FCSK: variants seen among roughly 807,000 people sequenced by gnomAD.
FCSK encodes the protein L-fucose kinase.
Under a neutral mutation model 122.5 loss-of-function variants are expected in FCSK, and 123 were observed. That is an observed-to-expected ratio of 1.00 (90% confidence interval 0.87 to 1.17). FCSK has a LOEUF of 1.17. Among genes scored for constraint, FCSK ranks in the 50% most tolerant of loss-of-function variants. FCSK has a pLI of 0.00. For synonymous variants in FCSK, 620 were observed against 625.5 expected (o/e 0.99, Z 0.13); for missense variants, 1,366 against 1,450.4 (o/e 0.94, Z 0.95).
rs544431310 is a variant in FCSK, at chr16:70,474,837, G to C, written c.2203G>C (p.Val735Leu). 4 of 1,594,446 alleles carry C rather than the reference G, an allele frequency of 2.5e-6. No individual in the cohort carries two copies. Among genetic ancestry groups the C allele is most frequent in the Non-Finnish European group, 3.4e-6 (4 of 1,171,634 alleles). The change falls in exon 18 of 24, where the codon GTG becomes CTG. Residue 735 changes from valine (V) to leucine (L), a missense_variant. Val to Leu is a conservative substitution (Grantham distance 32). Coordinates refer to ENST00000288078, the MANE Select transcript of FCSK (RefSeq NM_145059.3). ...CCTTGCCTATGAGCTTGGCGGGGCT[G>C]TGCTGGGCCTGGCTGTGCGAGTGGA... ...PPLAYELGGA[V>L]LGLAVRVDGR...
chr16:70,474,301 G>C lies in FCSK; in HGVS notation c.1950G>C (p.Val650=), dbSNP rs1380390367. ...YLECGDLAAG[V]EALAQERDKW... Reference sequence around the variant, plus strand: ...AGTGTGGAGACCTGGCAGCGGGCGTGGAGGCGCTTGCCCAGGAGAGGGACA... The same window carrying C: ...AGTGTGGAGACCTGGCAGCGGGCGTCGAGGCGCTTGCCCAGGAGAGGGACA... The change falls in exon 16 of 24, where the codon GTG becomes GTC. Residue 650 remains valine, a synonymous_variant. Coordinates refer to ENST00000288078, the MANE Select transcript of FCSK (RefSeq NM_145059.3). 15 of 1,613,538 alleles carry C rather than the reference G, an allele frequency of 9.3e-6. No individual in the cohort carries two copies. The highest frequency in any genetic ancestry group is 1.2e-5 in the Non-Finnish European group (14 of 1,179,972).
At chr16:70,464,995 G>C (rs886844480) in intron 3 of FCSK, 131 bp from the exon 4 acceptor site, 4 of 1,550,404 alleles carry the variant, frequency 2.6e-6, no homozygotes, top group Non-Finnish European at 3.5e-6. Flanking sequence ...GTGGCCATTG[G>C]TTTGACCTTG....
At chr16:70,477,189 T>A (rs2048844268) in intron 20 of FCSK, among the ~76,000 whole-genome samples, 1 of 152,230 alleles carries the variant, frequency 6.6e-6, no homozygotes, top group South Asian at 2.1e-4. Context: ...TTTTTAATTT[T>A]TTTTTATTTT....
intron 1 of FCSK, among the ~76,000 whole-genome samples, chr16:70,456,648 T>C (rs994460579): frequency 6.6e-6 from 1 of 152,248 alleles, no homozygotes; most frequent in Non-Finnish European, 1.5e-5. Context: ...TACTTTACAT[T>C]GTATTTCATG....
chr16:70,474,515 C>A lies in FCSK; in HGVS notation c.1989-13C>A. 6.5e-7 allele frequency: 1 copy of A among 1,547,040 alleles called. No homozygotes were observed. The highest frequency in any genetic ancestry group is 8.7e-7 in the Non-Finnish European group (1 of 1,146,780). On this transcript the variant is annotated splice_polypyrimidine_tract_variant and intron_variant, in intron 16 of 23. Transcript: ENST00000288078. ...GGGCTGCATGCCACCATCCCTCCCC[C>A]TTCTCTTGGCAGGCCAGCCTTGCTG...
intron 1 of FCSK, among the ~76,000 whole-genome samples, chr16:70,458,262 C>A (rs556003752): frequency 2.0e-5 from 3 of 150,994 alleles, no homozygotes; most frequent in South Asian, 2.1e-4. Flanking sequence ...CAGGTTCAAG[C>A]GATTCTCCTG....
chr16:70,474,439 G>C, intron 16 of FCSK, 89 bp from the exon 17 acceptor site: 2 of 1,548,560 alleles, frequency 1.3e-6, no homozygotes, highest in Non-Finnish European at 1.7e-6. Flanking sequence ...GCTCCCTTGG[G>C]TACCCCGGGA....
chr16:70,457,910 C>T (rs554755998), intron 1 of FCSK: 2 of 151,888 alleles, frequency 1.3e-5, no homozygotes, highest in East Asian at 1.9e-4. Context: ...TGCTGTCTTT[C>T]AGTGCCTTTG....
chr16:70,470,415 T>C lies in FCSK; in HGVS notation c.1057T>C (p.Ser353Pro), dbSNP rs745677616. Residue 353 changes from serine (S) to proline (P), a missense_variant, in exon 11 of 24, where the codon TCC becomes CCC. Ser to Pro is a moderately conservative substitution (Grantham distance 74). Coordinates refer to ENST00000288078, the MANE Select transcript of FCSK (RefSeq NM_145059.3). ...GGCTCCTGGGGCCCAGATTGTGCAC[T>C]CCCAGGTGGAGGTGAGACCTCCCTG... ...PGAPGAQIVHSQVEEQQLLAA... is the reference protein window; with the variant it reads ...PGAPGAQIVHPQVEEQQLLAA... The C allele has an allele frequency of 6.3e-7, 1 of 1,598,896 alleles. No individual in the cohort carries two copies. Among genetic ancestry groups the C allele is most frequent in the Non-Finnish European group, 8.6e-7 (1 of 1,166,744 alleles).
chr16:70,463,088 C>A, intron 1 of FCSK, 81 bp from the exon 2 acceptor site: 3 of 853,286 alleles, frequency 3.5e-6, no homozygotes, highest in Non-Finnish European at 5.6e-6. Flanking sequence ...ATGTTAAAAT[C>A]ATAGAATTGT....
chr16:70,478,205 G>A, intron 20 of FCSK, 67 bp from the exon 21 acceptor site: 2 of 1,540,410 alleles, frequency 1.3e-6, no homozygotes, highest in Non-Finnish European at 1.8e-6. Flanking sequence ...GCAGGGCCGG[G>A]AGCCTAGGCT....
chr16:70,467,495 G>A (rs1334799552), intron 7 of FCSK, 24 bp downstream of exon 7: 8 of 1,543,302 alleles, frequency 5.2e-6, no homozygotes, highest in African/African-American at 1.4e-5. Flanking sequence ...GGACAGTGGA[G>A]CCGGCTGGGG....
intron 15 of FCSK, 26 bp from the exon 16 acceptor site, chr16:70,474,103 G>T: frequency 6.5e-7 from 1 of 1,545,702 alleles, no homozygotes; most frequent in Non-Finnish European, 8.7e-7. Flanking sequence ...CTCCTCCCCT[G>T]CCACCCCCAA....
chr16:70,466,779 G>T, intron 5 of FCSK, 103 bp from the exon 6 acceptor site: 2 of 991,790 alleles, frequency 2.0e-6, no homozygotes, highest in Non-Finnish European at 3.0e-6. Context: ...ACCAGGTCTT[G>T]GAGGCCCTTG....
chr16:70,477,673 T>C (rs1000213695), intron 20 of FCSK: 1 of 152,550 alleles, frequency 6.6e-6, no homozygotes, highest in Non-Finnish European at 1.5e-5. Flanking sequence ...GCCTCTCCTC[T>C]GACTAAAACT....
chr16:70,475,900 C>G, intron 20 of FCSK, 133 bp downstream of exon 20: 1 of 958,476 alleles, frequency 1.0e-6, no homozygotes, highest in Non-Finnish European at 1.4e-6. Context: ...GAAATACTTT[C>G]CTTCTAGTCA....
chr16:70,455,869 C>T (rs549008927), intron 1 of FCSK, among the ~76,000 whole-genome samples: 11 of 148,946 alleles, frequency 7.4e-5, no homozygotes, highest in Non-Finnish European at 1.3e-4. Flanking sequence ...TCCAGCCTGA[C>T]GACAGAGGGA....
At position 70,466,918 on chromosome 16, in the gene FCSK, A is replaced by G. The variant is rs775941861; in HGVS notation, c.448A>G (p.Ser150Gly). The change falls in exon 6 of 24, where the codon AGC (serine) becomes GGC (glycine). Residue 150 changes from serine to glycine, a missense_variant. By Grantham distance (56) the Ser-to-Gly change is moderately conservative (BLOSUM62 0). Coordinates refer to ENST00000288078, the MANE Select transcript of FCSK (RefSeq NM_145059.3). ...CTCCCCGCCAGGCGTGTGGGTCTGCAGCACCGACATGCTGCTGTCTGTTCC... is the reference window on the plus strand; with the variant it reads ...CTCCCCGCCAGGCGTGTGGGTCTGCGGCACCGACATGCTGCTGTCTGTTCC... ...PGSPPGVWVC[S>G]TDMLLSVPAN... 1.9e-6 allele frequency: 3 copies of G among 1,614,010 alleles called. No individual in the cohort carries two copies. The highest frequency in any genetic ancestry group is 2.5e-6 in the Non-Finnish European group (3 of 1,180,032).
At chr16:70,455,429 G>A (rs1244726231) in intron 1 of FCSK, among the ~76,000 whole-genome samples, 1 of 152,036 alleles carries the variant, frequency 6.6e-6, no homozygotes, top group Non-Finnish European at 1.5e-5. Context: ...AGGTTGCAGT[G>A]AGCCAAGATC....
Sources: gnomAD v4.1 joint callset for allele counts (sites outside exome capture counted in the v4.1 genomes callset) on GRCh38, gnomAD v4.1.1 for gene constraint, MANE v1.5 for transcripts, NCBI Gene and HGNC (gene_info 2026-07-23, HGNC 2026-07-21) for gene names.